Variants in ARHGAP32 observed in about 807,000 individuals in gnomAD.
ARHGAP32 encodes the protein Rho GTPase activating protein 32.
ARHGAP32 carries 51 observed loss-of-function variants against 186.5 expected under a neutral mutation model. The ratio of observed to expected loss-of-function variants is 0.27; its 90% confidence interval spans 0.22 to 0.35. The LOEUF is 0.35. ARHGAP32 is among the 10% of genes least tolerant of loss of function. The probability of loss-of-function intolerance (pLI) is 1.00; values close to 1 mark genes in which losing one functional copy is unlikely to be tolerated. For missense variants in ARHGAP32, 2,186 were observed against 2,623.5 expected (o/e 0.83, Z 3.64); for synonymous variants, 950 against 964.3 (o/e 0.99, Z 0.27).
chr11:129,178,884 C>G (rs1943983434), intron 1 of ARHGAP32, among the ~76,000 whole-genome samples: 1 of 152,108 alleles, frequency 6.6e-6, no homozygotes, highest in East Asian at 1.9e-4. Flanking sequence ...TAGGCATGGG[C>G]AAGAACTTCA....
Position 128,981,438 on chromosome 11 carries a change from G to T in ARHGAP32, c.1758C>A (p.Ser586Arg), listed in dbSNP as rs1945704465. Residue 586 changes from serine to arginine, a missense_variant, in exon 17 of 23, where the codon AGC (serine) becomes AGA (arginine). This residue lies in a region of ARHGAP32 where 263 missense variants were observed against 323.5 expected (regional missense o/e 0.81). Coordinates refer to ENST00000682385, the MANE Select transcript of ARHGAP32 (RefSeq NM_001378024.1). ...HVDVLFSGRI[S>R]MAMQEGAASL... is the part of the protein sequence containing the mutation. ...TACCTGCCCCCTCTTGCATGGCCAT[G>T]CTGATTCTGCCGCTGAACAGCACAT... 6.2e-7 allele frequency: 1 copy of T among 1,610,026 alleles called. No individual in the cohort carries two copies. Among genetic ancestry groups the T allele is most frequent in the South Asian group, 1.1e-5 (1 of 90,710 alleles).
At chr11:129,224,519 G>C (rs1183888876) in intron 1 of ARHGAP32, among the ~76,000 whole-genome samples, 1 of 151,954 alleles carries the variant, frequency 6.6e-6, no homozygotes, top group East Asian at 1.9e-4. Context: ...ATCTCCGTAA[G>C]AACAGCAAAT....
At chr11:129,239,941 C>T (rs180759037) in intron 1 of ARHGAP32, among the ~76,000 whole-genome samples, 1 of 152,320 alleles carries the variant, frequency 6.6e-6, no homozygotes, top group East Asian at 1.9e-4. Flanking sequence ...TCTCAGACTA[C>T]AAATTCTAAG....
At chr11:129,035,272 T>G (rs1939285047) in intron 11 of ARHGAP32, among the ~76,000 whole-genome samples, 3 of 152,152 alleles carry the variant, frequency 2.0e-5, no homozygotes, top group Non-Finnish European at 2.9e-5. Flanking sequence ...ATTAATTTTC[T>G]GTACACACAA....
chr11:129,020,128 T>A (rs1230503257), intron 11 of ARHGAP32, among the ~76,000 whole-genome samples: 1 of 151,950 alleles, frequency 6.6e-6, no homozygotes, highest in Admixed American at 6.6e-5. Flanking sequence ...ATACCTTTAG[T>A]TTAGGGAAAT....
chr11:128,972,680 T>C lies in ARHGAP32; in HGVS notation c.3826A>G (p.Thr1276Ala). 1 of 1,614,068 alleles carries C rather than the reference T, an allele frequency of 6.2e-7. No individual in the cohort carries two copies. Among genetic ancestry groups the C allele is most frequent in the South Asian group, 1.1e-5 (1 of 91,064 alleles). Reference protein sequence around the residue: ...PEENTSTATMTYMTTTPATAQ... With the variant: ...PEENTSTATMAYMTTTPATAQ... ...GTTGCTGGAGTAGTTGTCATGTAAGTCATGGTGGCTGTGCTGGTATTCTCT... is the reference window on the plus strand; with the variant it reads ...GTTGCTGGAGTAGTTGTCATGTAAGCCATGGTGGCTGTGCTGGTATTCTCT... The change falls in exon 22 of 23, where the codon ACT becomes GCT. Residue 1276 changes from threonine (T) to alanine (A), a missense_variant. By Grantham distance (58) the Thr-to-Ala change is moderately conservative. Coordinates refer to ENST00000682385, the MANE Select transcript of ARHGAP32 (RefSeq NM_001378024.1).
intron 1 of ARHGAP32, among the ~76,000 whole-genome samples, chr11:129,236,875 G>A (rs1253132952): frequency 6.6e-6 from 1 of 152,152 alleles, no homozygotes; most frequent in Non-Finnish European, 1.5e-5. Flanking sequence ...GTATAATGTT[G>A]GCTGTGGATT....
chr11:129,218,327 T>C (rs1006482709), intron 1 of ARHGAP32, among the ~76,000 whole-genome samples: 4 of 152,286 alleles, frequency 2.6e-5, no homozygotes, highest in African/African-American at 7.2e-5. Flanking sequence ...ATACTTAACA[T>C]TGTTTCTTCT....
intron 6 of ARHGAP32, among the ~76,000 whole-genome samples, chr11:129,088,321 C>T (rs1262046335): frequency 6.6e-6 from 1 of 152,228 alleles, no homozygotes; most frequent in East Asian, 1.9e-4. Flanking sequence ...GTGGCTTACA[C>T]CTGTAATCCC....
At chr11:129,216,433 G>A (rs1944646669) in intron 1 of ARHGAP32, among the ~76,000 whole-genome samples, 1 of 151,924 alleles carries the variant, frequency 6.6e-6, no homozygotes, top group African/African-American at 2.4e-5. Context: ...TGTAATCCCA[G>A]CACTTTGGGA....
intron 6 of ARHGAP32, among the ~76,000 whole-genome samples, chr11:129,082,394 TATAAAA>T (rs1421876538): frequency 2.6e-5 from 4 of 152,096 alleles, no homozygotes; most frequent in Non-Finnish European, 4.4e-5. Context: ...ATGGTACTGG[TATAAAA>T]ATAGGCACAC....
chr11:129,250,121 G>A (rs1241864262), intron 1 of ARHGAP32, among the ~76,000 whole-genome samples: 1 of 152,056 alleles, frequency 6.6e-6, no homozygotes, highest in Non-Finnish European at 1.5e-5. Context: ...GGAGGGTGAA[G>A]TGGGAGGACT....
intron 2 of ARHGAP32, among the ~76,000 whole-genome samples, chr11:129,147,685 T>G (rs1267961741): frequency 6.6e-6 from 1 of 152,230 alleles, no homozygotes; most frequent in Non-Finnish European, 1.5e-5. Flanking sequence ...TCCATATGCA[T>G]GCATTTTAGA....
rs1168587549 is a variant in ARHGAP32 at position 128,967,870 on chromosome 11, G to A, written c.*1037C>T. On this transcript the variant is annotated 3_prime_UTR_variant, in exon 23 of 23. Coordinates refer to ENST00000682385, the MANE Select transcript of ARHGAP32 (RefSeq NM_001378024.1). ...TGGTTTAGGAACAGAAACAAACATG[G>A]AAATTTATATTCATAATAAATTATG... The A allele has an allele frequency of 4.0e-5, 6 of 149,114 alleles. No individual in the cohort carries two copies. Among genetic ancestry groups the A allele is most frequent in the Non-Finnish European group, 1.5e-5 (1 of 67,730 alleles). The allele number at this position is 149,114 out of a possible 1,614,324, so 9.2% of individuals were successfully genotyped here.
At chr11:129,150,799 A>G (rs1943270489) in intron 2 of ARHGAP32, among the ~76,000 whole-genome samples, 1 of 152,302 alleles carries the variant, frequency 6.6e-6, no homozygotes, top group East Asian at 1.9e-4. Flanking sequence ...CCATAAGACA[A>G]TAACATAATG....
intron 1 of ARHGAP32, among the ~76,000 whole-genome samples, chr11:129,224,035 G>T (rs943648355): frequency 4.6e-5 from 7 of 152,264 alleles, no homozygotes; most frequent in African/African-American, 1.7e-4. Context: ...TAGGCTCCAT[G>T]GTGATGACGA....
intron 2 of ARHGAP32, chr11:129,125,826 T>G: frequency 2.5e-6 from 1 of 405,872 alleles, no homozygotes; most frequent in Non-Finnish European, 4.8e-6. Context: ...ATTTAACTAT[T>G]TATAAGGGTT....
intron 5 of ARHGAP32, among the ~76,000 whole-genome samples, chr11:129,100,443 A>G (rs532009902): frequency 1.8e-4 from 27 of 152,252 alleles, no homozygotes; most frequent in African/African-American, 5.5e-4. Context: ...GAGGGGTGGC[A>G]TCTATGACCA....
At chr11:129,261,035 C>G (rs559430861) in intron 1 of ARHGAP32, among the ~76,000 whole-genome samples, 1 of 152,000 alleles carries the variant, frequency 6.6e-6, no homozygotes, top group South Asian at 2.1e-4. Context: ...CTTAAAATAT[C>G]CTGAGCCACC....
Sources: allele counts gnomAD v4.1 joint callset (sites outside exome capture counted in the v4.1 genomes callset), GRCh38; gene constraint gnomAD v4.1.1; regional missense constraint gnomAD v4.1.1; transcripts MANE v1.5; gene names NCBI Gene and HGNC (gene_info 2026-07-23, HGNC 2026-07-21).